The following EXOC6B variants were observed in gnomAD, a reference collection of about 807,000 sequenced individuals.
The protein encoded by EXOC6B is SEC15 homolog B.
Under a neutral mutation model 113.5 loss-of-function variants are expected in EXOC6B, and 54 were observed. That is an observed-to-expected ratio of 0.48 (90% CI 0.38 to 0.60). The LOEUF (loss-of-function observed/expected upper bound fraction) is 0.60, where lower values mean the gene tolerates loss of function less well. Ranked by LOEUF, EXOC6B falls within the 20% of genes least tolerant of loss-of-function variation. EXOC6B has a pLI of 0.00. For synonymous variants in EXOC6B, 357 were observed against 339.0 expected (o/e 1.05, Z -0.58); for missense variants, 797 against 977.5 (o/e 0.82, Z 2.46).
intron 1 of EXOC6B, among the ~76,000 whole-genome samples, chr2:72,810,198 G>A (rs1369055547): frequency 6.6e-6 from 1 of 152,034 alleles, no homozygotes; most frequent in Non-Finnish European, 1.5e-5. Context: ...GCAAGATGGT[G>A]AGACTCCCAT....
At chr2:72,535,128 T>C (rs1702207198) in intron 8 of EXOC6B, among the ~76,000 whole-genome samples, 1 of 152,196 alleles carries the variant, frequency 6.6e-6, no homozygotes, top group African/African-American at 2.4e-5. Flanking sequence ...TTTTAACACA[T>C]ACTCTTTAAG....
chr2:72,641,737 T>A (rs1338812270), intron 6 of EXOC6B, among the ~76,000 whole-genome samples: 1 of 152,246 alleles, frequency 6.6e-6, no homozygotes, highest in Admixed American at 6.5e-5. Context: ...GTCTGAGCCC[T>A]GAGAACAGAC....
intron 18 of EXOC6B, among the ~76,000 whole-genome samples, chr2:72,432,506 CT>C (rs1695598913): frequency 6.6e-6 from 1 of 152,212 alleles, no homozygotes; most frequent in South Asian, 2.1e-4. Context: ...ACCACACTGT[CT>C]TCCACAATGG....
intron 6 of EXOC6B, among the ~76,000 whole-genome samples, chr2:72,585,268 TAA>T (rs1200640476): frequency 3.3e-5 from 5 of 151,782 alleles, no homozygotes; most frequent in African/African-American, 1.2e-4. Context: ...GATTAACAAA[TAA>T]AAAAGAGAGA....
intron 20 of EXOC6B, among the ~76,000 whole-genome samples, chr2:72,326,321 A>G (rs1206836442): frequency 6.6e-6 from 1 of 152,074 alleles, no homozygotes; most frequent in Non-Finnish European, 1.5e-5. Context: ...TTCATGCTGT[A>G]TGGTAGAGGT....
intron 1 of EXOC6B, among the ~76,000 whole-genome samples, chr2:72,813,069 T>C (rs1368922212): frequency 1.3e-5 from 2 of 152,148 alleles, no homozygotes; most frequent in African/African-American, 4.8e-5. Flanking sequence ...AATTCTATAA[T>C]TATCTCAAAA....
chr2:72,820,878 A>G (rs1573851953), intron 1 of EXOC6B, among the ~76,000 whole-genome samples: 1 of 152,160 alleles, frequency 6.6e-6, no homozygotes, highest in Non-Finnish European at 1.5e-5. Context: ...ATAAAATTAT[A>G]TAACACTTAG....
chr2:72,360,694 T>C (rs745626479), intron 19 of EXOC6B, among the ~76,000 whole-genome samples: 2 of 152,164 alleles, frequency 1.3e-5, no homozygotes, highest in African/African-American at 4.8e-5. Context: ...TGAAGCTCTA[T>C]TGCAGTAATC....
chr2:72,816,870 AATTGTT>A (rs1325837365), intron 1 of EXOC6B, among the ~76,000 whole-genome samples: 3 of 152,222 alleles, frequency 2.0e-5, no homozygotes, highest in African/African-American at 7.2e-5. Flanking sequence ...CTTCAATGAA[AATTGTT>A]GTCTATTTAA....
intron 20 of EXOC6B, among the ~76,000 whole-genome samples, chr2:72,255,746 G>A (rs78330840): frequency 0.033 from 4,981 of 152,282 alleles, 301 homozygotes; most frequent in African/African-American, 0.11. Flanking sequence ...TTTAGGTGAT[G>A]AAATGTGGGA....
intron 6 of EXOC6B, among the ~76,000 whole-genome samples, chr2:72,650,963 G>A (rs1474307109): frequency 6.6e-6 from 1 of 151,752 alleles, no homozygotes; most frequent in African/African-American, 2.4e-5. Flanking sequence ...CTCCAGCTAG[G>A]GTGAGATCCC....
chr2:72,498,605 GGTT>G, intron 12 of EXOC6B, 54 bp from the exon 13 acceptor site: 2 of 1,172,908 alleles, frequency 1.7e-6, no homozygotes, highest in East Asian at 2.8e-5. Flanking sequence ...TTTTTTTTTC[GGTT>G]TTTTTTTTTT....
At chr2:72,308,728 C>G (rs1687026787) in intron 20 of EXOC6B, among the ~76,000 whole-genome samples, 1 of 152,104 alleles carries the variant, frequency 6.6e-6, no homozygotes, top group African/African-American at 2.4e-5. Context: ...ATAGCAATCT[C>G]TATATATGTA....
intron 18 of EXOC6B, among the ~76,000 whole-genome samples, chr2:72,405,307 A>G (rs1215809106): frequency 6.6e-6 from 1 of 152,198 alleles, no homozygotes; most frequent in African/African-American, 2.4e-5. Context: ...AACTTCCCCA[A>G]TCTAGCAAGG....
chr2:72,410,891 T>C (rs1694136340), intron 18 of EXOC6B, among the ~76,000 whole-genome samples: 1 of 152,200 alleles, frequency 6.6e-6, no homozygotes, highest in Admixed American at 6.5e-5. Context: ...CTCTGGTACA[T>C]GGCCGACTGA....
At chr2:72,636,834 A>G (rs1275074960) in intron 6 of EXOC6B, among the ~76,000 whole-genome samples, 2 of 152,160 alleles carry the variant, frequency 1.3e-5, no homozygotes, top group African/African-American at 4.8e-5. Context: ...AGGCCAAAAA[A>G]AAGAAAAAGC....
chr2:72,265,591 T>C (rs998770759), intron 20 of EXOC6B, among the ~76,000 whole-genome samples: 1 of 151,902 alleles, frequency 6.6e-6, no homozygotes, highest in Admixed American at 6.6e-5. Context: ...ACTCATCATT[T>C]TTTATGGCTG....
chr2:72,678,861 T>G (rs1676494668), intron 6 of EXOC6B, among the ~76,000 whole-genome samples: 1 of 152,200 alleles, frequency 6.6e-6, no homozygotes, highest in South Asian at 2.1e-4. Flanking sequence ...TAATTAAAAT[T>G]TGTGAGGACC....
At chr2:72,289,539 G>C (rs1194952664) in intron 20 of EXOC6B, among the ~76,000 whole-genome samples, 1 of 152,120 alleles carries the variant, frequency 6.6e-6, no homozygotes, top group Non-Finnish European at 1.5e-5. Flanking sequence ...GTGTGTGTCT[G>C]TGTGTGTATG....
Sources: allele counts gnomAD v4.1 joint callset (sites outside exome capture counted in the v4.1 genomes callset), GRCh38; gene constraint gnomAD v4.1.1; transcripts MANE v1.5; gene names NCBI Gene and HGNC (gene_info 2026-07-23, HGNC 2026-07-21).